The following GXYLT2 variants were observed in gnomAD, a reference collection of about 807,000 sequenced individuals.
GXYLT2 encodes the protein glycosyltransferase 8 domain containing 4.
A neutral mutation model predicts 45.8 loss-of-function variants in GXYLT2; 53 were observed. That is an observed-to-expected ratio of 1.16 (90% CI 0.93 to 1.46). The LOEUF is 1.46. GXYLT2 is among the 40% of genes most tolerant of loss of function. The pLI is 0.00. For missense variants in GXYLT2, 551 were observed against 544.4 expected (o/e 1.01, Z -0.12); for synonymous variants, 219 against 214.2 (o/e 1.02, Z -0.19).
rs1051730568 is a variant in GXYLT2, at chr3:72,896,889, C to T, written c.275+8381C>T. 9.2e-5 allele frequency among the ~76,000 whole-genome samples: 14 copies of T among 151,948 alleles called. 1 individual carries two copies. In the South Asian group the frequency reaches 2.3e-3, roughly 25 times the overall value. ...AAAATGTTTACTAGCAGTTCAAATC[C>T]GTTTTGTAGTAAGGTAGAATGTTGA... On this transcript the variant is annotated intron_variant, in intron 1 of 6. Transcript: ENST00000389617.
intron 3 of GXYLT2, among the ~76,000 whole-genome samples, chr3:72,954,039 C>G (rs1372877857): frequency 6.6e-6 from 1 of 152,162 alleles, no homozygotes; most frequent in Non-Finnish European, 1.5e-5. Flanking sequence ...TGCAGTGAGC[C>G]AAGAGCATGC....
At chr3:72,905,270 A>G (rs1443912112) in intron 1 of GXYLT2, among the ~76,000 whole-genome samples, 1 of 151,964 alleles carries the variant, frequency 6.6e-6, no homozygotes, top group African/African-American at 2.4e-5. Flanking sequence ...GGCACACGCC[A>G]CCACAACCAG....
intron 4 of GXYLT2, 140 bp from the exon 5 acceptor site, chr3:72,957,089 G>A: frequency 1.2e-6 from 1 of 853,812 alleles, no homozygotes; most frequent in Non-Finnish European, 1.7e-6. Flanking sequence ...GCTTTGTTCT[G>A]TGACCTGAGA....
chr3:72,899,599 A>T (rs1197588516), intron 1 of GXYLT2, among the ~76,000 whole-genome samples: 1 of 152,146 alleles, frequency 6.6e-6, no homozygotes, highest in Non-Finnish European at 1.5e-5. Flanking sequence ...TGCTTTCCAA[A>T]GCCTGTGGTT....
intron 3 of GXYLT2, among the ~76,000 whole-genome samples, chr3:72,941,705 G>A (rs1210043835): frequency 6.6e-6 from 1 of 151,796 alleles, no homozygotes; most frequent in Non-Finnish European, 1.5e-5. Flanking sequence ...TGTCAATGTG[G>A]ACTCATGTTT....
chr3:72,908,353 T>A lies in GXYLT2; in HGVS notation c.276-14T>A. 6.4e-7 allele frequency: 1 copy of A among 1,567,640 alleles called. No homozygotes were observed. On this transcript the variant is annotated splice_polypyrimidine_tract_variant and intron_variant, in intron 1 of 6. Coordinates refer to ENST00000389617, the MANE Select transcript of GXYLT2 (RefSeq NM_001080393.2). The stretch of plus-strand genomic sequence containing the variant: ...AGTTTAGTAATAGCTTTCACTTGTT[T>A]TCCCTCTTTCTAGGAGGCCTGGAGA...
intron 5 of GXYLT2, among the ~76,000 whole-genome samples, chr3:72,964,481 C>A (rs1291286638): frequency 6.6e-6 from 1 of 152,038 alleles, no homozygotes; most frequent in Non-Finnish European, 1.5e-5. Context: ...TGCCATCATG[C>A]CTGGCTAATT....
intron 3 of GXYLT2, among the ~76,000 whole-genome samples, chr3:72,945,364 G>A (rs1710384554): frequency 6.6e-6 from 1 of 152,218 alleles, no homozygotes; most frequent in Admixed American, 6.5e-5. Context: ...CTTAGCTTGT[G>A]TAAATATTTA....
At chr3:72,951,286 G>A (rs1710519967) in intron 3 of GXYLT2, among the ~76,000 whole-genome samples, 2 of 152,104 alleles carry the variant, frequency 1.3e-5, no homozygotes, top group Admixed American at 1.3e-4. Context: ...TATTAGGAAG[G>A]TTCAAAAACT....
rs368190344 is a variant in GXYLT2, at chr3:72,925,156, C to CTT, written c.600+2823_600+2824dup. The stretch of plus-strand genomic sequence containing the variant: ...CATTATGTCATCTATTTTTCTTTTT[C>CTT]TTTCTTTTTTTTTTTTTTGAGACAG... On this transcript the variant is annotated intron_variant, in intron 3 of 6. Transcript: ENST00000389617. Among the ~76,000 whole-genome samples, 71 of 148,632 alleles carry CTT rather than the reference C, an allele frequency of 4.8e-4. 4 individuals are homozygous for CTT. The highest frequency in any genetic ancestry group is 1.7e-3 in the African/African-American group (67 of 38,804).
At position 72,908,393 on chromosome 3, in the gene GXYLT2, A is replaced by C; in HGVS notation, c.302A>C (p.Gln101Pro). Residue 101 changes from glutamine (Q) to proline (P), a missense_variant, in exon 2 of 7, where the codon CAA becomes CCA. By Grantham distance (76) the Gln-to-Pro change is moderately conservative. Transcript: ENST00000389617. ...AGGCCTGGAGAACCCAGGAGTTTCC[A>C]AGCTGTGCTGCCACCCGAGCTCTGG... ...ARRPGEPRSF[Q>P]AVLPPELWIH... The C allele has an allele frequency of 6.2e-7, 1 of 1,611,402 alleles. No individual in the cohort carries two copies. The highest frequency in any genetic ancestry group is 8.5e-7 in the Non-Finnish European group (1 of 1,179,200).
chr3:72,956,325 G>T (rs1272167595), intron 4 of GXYLT2, among the ~76,000 whole-genome samples: 1 of 152,188 alleles, frequency 6.6e-6, no homozygotes, highest in African/African-American at 2.4e-5. Flanking sequence ...TACGTCTGGG[G>T]AAAATGGGAA....
chr3:72,971,281 G>C (rs191986570), intron 6 of GXYLT2, among the ~76,000 whole-genome samples: 2 of 152,294 alleles, frequency 1.3e-5, no homozygotes, highest in Non-Finnish European at 1.5e-5. Flanking sequence ...ATTTTCCTCA[G>C]TTGGGCCTGA....
chr3:72,943,854 ATT>A (rs527656824), intron 3 of GXYLT2, among the ~76,000 whole-genome samples: 3 of 135,326 alleles, frequency 2.2e-5, no homozygotes, highest in Non-Finnish European at 3.2e-5. Context: ...TGAGAGCATC[ATT>A]TTTTTTTTTT....
At chr3:72,891,892 A>C (rs551385090) in intron 1 of GXYLT2, among the ~76,000 whole-genome samples, 9 of 152,276 alleles carry the variant, frequency 5.9e-5, no homozygotes, top group Middle Eastern at 3.4e-3. Context: ...GGAAAGGTTT[A>C]TCAAGAGAGA....
chr3:72,956,932 G>A, intron 4 of GXYLT2, among the ~76,000 whole-genome samples: 1 of 146,720 alleles, frequency 6.8e-6, no homozygotes, highest in Non-Finnish European at 1.5e-5. Context: ...AAGGGAGGGA[G>A]GGAGGGAGGG....
chr3:72,955,097 G>A lies in GXYLT2; in HGVS notation c.601-1G>A, dbSNP rs780668499. The A allele has an allele frequency of 1.9e-6, 3 of 1,613,568 alleles. No homozygotes were observed. Among genetic ancestry groups the A allele is most frequent in the Non-Finnish European group, 1.7e-6 (2 of 1,179,518 alleles). On this transcript the variant is annotated splice_acceptor_variant, in intron 3 of 6. Coordinates refer to ENST00000389617, the MANE Select transcript of GXYLT2 (RefSeq NM_001080393.2). LOFTEE classifies it high-confidence loss of function. ...TTTACACCCACTCCTTACACACAAA[G>A]GTGATTTTAAAGGATGTGGACTCAC...
intron 3 of GXYLT2, among the ~76,000 whole-genome samples, chr3:72,935,113 G>A (rs971433010): frequency 4.6e-5 from 7 of 151,932 alleles, no homozygotes; most frequent in Admixed American, 3.9e-4. Flanking sequence ...AATCATATAT[G>A]GAAGATGAAT....
At chr3:72,889,958 T>G (rs1273429499) in intron 1 of GXYLT2, among the ~76,000 whole-genome samples, 1 of 144,078 alleles carries the variant, frequency 6.9e-6, no homozygotes, top group Non-Finnish European at 1.5e-5. Flanking sequence ...CAGGCTGGAG[T>G]GCCGTGCTGC....
Sources: gnomAD v4.1 joint callset for allele counts (sites outside exome capture counted in the v4.1 genomes callset) on GRCh38, gnomAD v4.1.1 for gene constraint, MANE v1.5 for transcripts, NCBI Gene and HGNC (gene_info 2026-07-23, HGNC 2026-07-21) for gene names.